The following INAVA variants were observed in gnomAD, a reference collection of about 807,000 sequenced individuals.
INAVA encodes innate immunity activator, also known as innate immunity activator protein.
Under a neutral mutation model 55.3 loss-of-function variants are expected in INAVA, and 32 were observed. The observed-to-expected ratio is 0.58, with a 90% CI of 0.44 to 0.78. The LOEUF is 0.78. Among genes scored for constraint, INAVA ranks in the 30% least tolerant of loss-of-function variants. INAVA has a pLI of 0.00. For missense variants in INAVA, 756 were observed against 786.4 expected (o/e 0.96, Z 0.46); for synonymous variants, 294 against 329.4 (o/e 0.89, Z 1.16).
chr1:200,909,485 C>A (rs1173778139), intron 8 of INAVA, 88 bp downstream of exon 8: 5 of 1,223,646 alleles, frequency 4.1e-6, no homozygotes, highest in Non-Finnish European at 5.4e-6. Flanking sequence ...GGTGGGACAA[C>A]CCTGGGTGAC....
chr1:200,906,650 G>C (rs756153054), intron 5 of INAVA, among the ~76,000 whole-genome samples: 1 of 152,188 alleles, frequency 6.6e-6, no homozygotes, highest in African/African-American at 2.4e-5. Context: ...TTTCCTTCAG[G>C]TGACTTGCCA....
intron 8 of INAVA, 89 bp downstream of exon 8, chr1:200,909,486 C>T: frequency 8.2e-7 from 1 of 1,226,526 alleles, no homozygotes; most frequent in Non-Finnish European, 1.1e-6. Flanking sequence ...GTGGGACAAC[C>T]CTGGGTGACA....
chr1:200,903,233 C>T (rs1653338791), intron 5 of INAVA: 1 of 152,290 alleles, frequency 6.6e-6, no homozygotes, highest in Non-Finnish European at 1.5e-5. Context: ...TGCCTGTAAT[C>T]CCAATACTTT....
Position 200,900,184 on chromosome 1 carries a change from G to C in INAVA, c.261G>C (p.Ala87=), listed in dbSNP as rs148330357. ...KAPKVRRRIG[A]AYKLDDWALH... The stretch of plus-strand genomic sequence containing the variant: ...CCAAGGTTCGCCGCAGGATCGGAGC[G>C]GCTTACAAACTGGATGACTGGGCCT... Residue 87 remains alanine, a synonymous_variant, in exon 4 of 10, where the codon GCG becomes GCC. Coordinates refer to ENST00000413687, the MANE Select transcript of INAVA (RefSeq NM_001142569.3). The C allele has an allele frequency of 6.2e-7, 1 of 1,614,122 alleles. No individual in the cohort carries two copies. The highest frequency in any genetic ancestry group is 8.5e-7 in the Non-Finnish European group (1 of 1,179,962).
intron 5 of INAVA, among the ~76,000 whole-genome samples, chr1:200,904,829 C>A (rs903409485): frequency 5.3e-5 from 8 of 151,880 alleles, no homozygotes; most frequent in African/African-American, 1.9e-4. Context: ...AACTCCTGGG[C>A]TCAAGTGATC....
At chr1:200,905,140 T>C (rs75506719) in intron 5 of INAVA, among the ~76,000 whole-genome samples, 4,025 of 152,300 alleles carry the variant, frequency 0.026, 207 homozygotes, top group South Asian at 0.23. Flanking sequence ...CAAAGGCTAC[T>C]TGTGAGCCAA....
At chr1:200,900,056 A>C (rs1653171152) in intron 3 of INAVA, 48 bp from the exon 4 acceptor site, 1 of 1,520,626 alleles carries the variant, frequency 6.6e-7, no homozygotes, top group Admixed American at 1.9e-5. Context: ...CAGTGAGCCA[A>C]GTCTGGGCAG....
rs888394723 is a variant in INAVA at position 200,912,123 on chromosome 1, G to A, written c.1630G>A (p.Gly544Arg). ...GAGAGAGGGCTTCGGACGAGCCCTG[G>A]GACCCCGGGCACAGGTACGGCTGCT... Reference protein sequence around the residue: ...LGREGFGRALGPRAQVPTVCV... With the variant: ...LGREGFGRALRPRAQVPTVCV... The change falls in exon 9 of 10, where the codon GGA (glycine) becomes AGA (arginine). Residue 544 changes from glycine to arginine, a missense_variant. Physicochemically the swap from Gly to Arg is moderately radical, Grantham distance 125. Around this residue, in one of 2 missense-constraint regions of INAVA, gnomAD observed 117 missense variants for 162.1 expected, o/e 0.72. Transcript: ENST00000413687. The A allele has an allele frequency of 9.0e-6, 14 of 1,548,556 alleles. No homozygotes were observed. The highest frequency in any genetic ancestry group is 1.4e-5 in the African/African-American group (1 of 73,042).
chr1:200,900,082 C>T (rs749822616), intron 3 of INAVA, 22 bp from the exon 4 acceptor site: 7 of 1,590,156 alleles, frequency 4.4e-6, no homozygotes, highest in Non-Finnish European at 6.0e-6. Context: ...GAGGACCTGG[C>T]TGGTCTCTGC....
chr1:200,899,005 T>A (rs1653096481), intron 2 of INAVA, among the ~76,000 whole-genome samples: 1 of 152,104 alleles, frequency 6.6e-6, no homozygotes, highest in Non-Finnish European at 1.5e-5. Context: ...CTGGCCAATG[T>A]GAAGGTCTTG....
At chr1:200,900,385 A>G (rs1653193245) in intron 4 of INAVA, among the ~76,000 whole-genome samples, 165 bp downstream of exon 4, 3 of 152,200 alleles carry the variant, frequency 2.0e-5, no homozygotes, top group Admixed American at 6.5e-5. Context: ...TGTAGCCCAA[A>G]TGGCTGTGGA....
chr1:200,903,394 G>A (rs1048352703), intron 5 of INAVA, among the ~76,000 whole-genome samples: 2 of 150,346 alleles, frequency 1.3e-5, no homozygotes, highest in African/African-American at 4.9e-5. Context: ...TGAGCCAGGA[G>A]AATCCCTTGA....
In INAVA at chr1:200,907,871, G is replaced by C. The variant is rs1204750284; in HGVS notation, c.558G>C (p.Gly186=). ...CTGATGACAGCTCCCTGTCAGATGG[G>C]CTCCTCCTGGAGGAAGGTGAGAAGG... ...SASDDSSLSD[G]LLLEEEESQV... Residue 186 remains glycine (G), a synonymous_variant, in exon 6 of 10, where the codon GGG becomes GGC. Coordinates refer to ENST00000413687, the MANE Select transcript of INAVA (RefSeq NM_001142569.3). 6.2e-7 allele frequency: 1 copy of C among 1,612,560 alleles called. No homozygotes were observed. Among genetic ancestry groups the C allele is most frequent in the Non-Finnish European group, 8.5e-7 (1 of 1,178,994 alleles).
chr1:200,891,683 C>T, upstream of INAVA: 1 of 1,482,014 alleles, frequency 6.7e-7, no homozygotes, highest in Non-Finnish European at 8.9e-7. Context: ...GCGGGCGGCG[C>T]CAGAGCTCCA....
intron 5 of INAVA, among the ~76,000 whole-genome samples, chr1:200,906,697 G>T (rs935245279): frequency 1.3e-5 from 2 of 152,164 alleles, no homozygotes; most frequent in Admixed American, 1.3e-4. Flanking sequence ...GGGCCAGCTG[G>T]CCAGACCTTA....
chr1:200,899,958 A>C (rs1315869288), intron 3 of INAVA, 146 bp from the exon 4 acceptor site: 2 of 680,798 alleles, frequency 2.9e-6, no homozygotes, highest in Non-Finnish European at 5.1e-6. Context: ...TGAAGACAGG[A>C]GAGACAGTGT....
intron 2 of INAVA, 102 bp downstream of exon 2, chr1:200,898,557 T>C: frequency 7.4e-7 from 1 of 1,352,968 alleles, no homozygotes; most frequent in Non-Finnish European, 1.0e-6. Flanking sequence ...TAGGGCTGGC[T>C]GGGCTGAGAC....
chr1:200,909,924 A>G (rs935987687), intron 8 of INAVA, among the ~76,000 whole-genome samples: 2 of 152,152 alleles, frequency 1.3e-5, no homozygotes, highest in Non-Finnish European at 2.9e-5. Context: ...GCTTAAGGAC[A>G]CCTTACTTAA....
intron 5 of INAVA, chr1:200,906,256 C>A (rs991730431): frequency 1.3e-5 from 2 of 152,178 alleles, no homozygotes; most frequent in African/African-American, 4.8e-5. Context: ...TGGTGGCTCA[C>A]GCCTGTGATC....
Sources: allele counts gnomAD v4.1 joint callset (sites outside exome capture counted in the v4.1 genomes callset), GRCh38; gene constraint gnomAD v4.1.1; regional missense constraint gnomAD v4.1.1; transcripts MANE v1.5; gene names NCBI Gene and HGNC (gene_info 2026-07-23, HGNC 2026-07-21).